Variants in MTUS2 observed in about 807,000 individuals in gnomAD.
The protein encoded by MTUS2 is microtubule-associated tumor suppressor candidate 2.
MTUS2 carries 40 observed loss-of-function variants against 114.1 expected under a neutral mutation model. The ratio of observed to expected loss-of-function variants is 0.35; its 90% CI spans 0.27 to 0.46. The LOEUF (loss-of-function observed/expected upper bound fraction) is 0.46, where lower values mean the gene tolerates loss of function less well. Among genes scored for constraint, MTUS2 ranks in the 20% least tolerant of loss-of-function variants. The pLI is 1.00. For missense variants in MTUS2, 1,679 were observed against 1,705.4 expected, an observed-to-expected ratio of 0.98 and a Z score of 0.27; for synonymous variants, 688 against 672.0, an observed-to-expected ratio of 1.02 and a Z score of -0.37.
At chr13:29,027,417 C>T (rs979315963) in intron 3 of MTUS2, among the ~76,000 whole-genome samples, 17 of 151,248 alleles carry the variant, frequency 1.1e-4, no homozygotes. Flanking sequence ...ATAATTACAA[C>T]TAACATATAA....
chr13:29,443,559 T>G lies in MTUS2; in HGVS notation c.3184+3510T>G, dbSNP rs1269089520. Reference sequence around the variant, plus strand: ...AGGCCTTGGCAGCACCACCGCCTGGTTCCTTCAGCCCAGCTTTCATCCCTG... The same window carrying G: ...AGGCCTTGGCAGCACCACCGCCTGGGTCCTTCAGCCCAGCTTTCATCCCTG... On this transcript the variant is annotated intron_variant, in intron 9 of 15. Coordinates refer to ENST00000612955, the MANE Select transcript of MTUS2 (RefSeq NM_001033602.4). Among the ~76,000 whole-genome samples the G allele has an allele frequency of 2.6e-5, 4 of 152,352 alleles. 1 individual carries two copies. In the South Asian group the frequency reaches 6.2e-4, roughly 24 times the overall value.
intron 4 of MTUS2, among the ~76,000 whole-genome samples, chr13:29,072,829 T>C (rs1889003412): frequency 6.6e-6 from 1 of 152,256 alleles, no homozygotes; most frequent in African/African-American, 2.4e-5. Context: ...CTTCTAATTC[T>C]GAAAGATATT....
intron 2 of MTUS2, among the ~76,000 whole-genome samples, chr13:28,983,431 G>A (rs1346053432): frequency 6.6e-6 from 1 of 152,088 alleles, no homozygotes; most frequent in Non-Finnish European, 1.5e-5. Context: ...GATGCACACT[G>A]GATTCTGGAG....
At chr13:29,383,683 C>G (rs1278825952) in intron 8 of MTUS2, among the ~76,000 whole-genome samples, 2 of 152,238 alleles carry the variant, frequency 1.3e-5, no homozygotes, top group African/African-American at 4.8e-5. Flanking sequence ...ATGTTAGGTC[C>G]CATCAGAAGG....
intron 8 of MTUS2, among the ~76,000 whole-genome samples, chr13:29,371,174 A>G (rs770287870): frequency 2.2e-4 from 33 of 150,822 alleles, no homozygotes; most frequent in Non-Finnish European, 3.5e-4. Flanking sequence ...TATGCTTTTT[A>G]TTTTTTAATG....
At chr13:28,991,237 A>G (rs922977874) in intron 2 of MTUS2, among the ~76,000 whole-genome samples, 1 of 152,204 alleles carries the variant, frequency 6.6e-6, no homozygotes, top group African/African-American at 2.4e-5. Context: ...ATCATGTGGG[A>G]TAGAATGTGA....
At chr13:28,828,053 T>C (rs1031216577) in intron 1 of MTUS2, among the ~76,000 whole-genome samples, 21 of 152,172 alleles carry the variant, frequency 1.4e-4, no homozygotes, top group African/African-American at 5.1e-4. Context: ...TACGGGAGAC[T>C]GGGGCTTATT....
chr13:28,887,369 C>T (rs1280968459), intron 2 of MTUS2, among the ~76,000 whole-genome samples: 1 of 152,176 alleles, frequency 6.6e-6, no homozygotes. Flanking sequence ...TCCCATGTCT[C>T]TGACCACAGC....
chr13:29,020,526 A>G (rs1886249829), intron 2 of MTUS2, among the ~76,000 whole-genome samples: 1 of 152,236 alleles, frequency 6.6e-6, no homozygotes, highest in African/African-American at 2.4e-5. Context: ...GTGAGGCCAC[A>G]TAAGGAGGAG....
intron 5 of MTUS2, among the ~76,000 whole-genome samples, chr13:29,216,648 T>C (rs1366766884): frequency 1.3e-5 from 2 of 152,192 alleles, no homozygotes; most frequent in East Asian, 3.9e-4. Flanking sequence ...CCGGGTGAGC[T>C]GACACCCCAC....
At chr13:29,297,450 C>T (rs1365899360) in intron 6 of MTUS2, among the ~76,000 whole-genome samples, 3 of 152,112 alleles carry the variant, frequency 2.0e-5, no homozygotes, top group Non-Finnish European at 4.4e-5. Flanking sequence ...AATTAAGTAA[C>T]CCCCACACCC....
At chr13:29,269,120 T>C (rs1214606162) in intron 5 of MTUS2, among the ~76,000 whole-genome samples, 1 of 152,220 alleles carries the variant, frequency 6.6e-6, no homozygotes, top group Non-Finnish European at 1.5e-5. Flanking sequence ...ATAAAATTAA[T>C]GAATATAGTC....
chr13:29,489,602 A>G (rs1263225224), intron 11 of MTUS2: 3 of 152,228 alleles, frequency 2.0e-5, no homozygotes, highest in African/African-American at 7.2e-5. Flanking sequence ...GTTTTTAAAA[A>G]TATACTGATG....
intron 5 of MTUS2, among the ~76,000 whole-genome samples, chr13:29,259,441 C>T (rs777166780): frequency 1.3e-5 from 2 of 152,224 alleles, no homozygotes; most frequent in Non-Finnish European, 2.9e-5. Context: ...TGTCTCTTCC[C>T]TGCTTAAGAC....
chr13:28,847,900 G>A (rs1875996046), intron 2 of MTUS2, among the ~76,000 whole-genome samples: 1 of 152,166 alleles, frequency 6.6e-6, no homozygotes, highest in African/African-American at 2.4e-5. Context: ...GGGAAGGAGG[G>A]GAGTAGCTAG....
At chr13:28,903,616 G>A (rs1360142546) in intron 2 of MTUS2, among the ~76,000 whole-genome samples, 6 of 151,820 alleles carry the variant, frequency 4.0e-5, no homozygotes, top group African/African-American at 1.5e-4. Flanking sequence ...TGGCTGCATA[G>A]CATTCCATGG....
chr13:29,317,857 A>G (rs1029495100), intron 6 of MTUS2, among the ~76,000 whole-genome samples: 2 of 152,146 alleles, frequency 1.3e-5, no homozygotes, highest in African/African-American at 4.8e-5. Context: ...AACTGTTCCC[A>G]TTCAATTCAT....
chr13:29,430,553 A>T (rs1876912177), intron 8 of MTUS2, among the ~76,000 whole-genome samples: 1 of 152,142 alleles, frequency 6.6e-6, no homozygotes, highest in Non-Finnish European at 1.5e-5. Flanking sequence ...CAGCTTTTTC[A>T]TTATGTTCAC....
chr13:29,038,075 T>A (rs1887166383), intron 4 of MTUS2, among the ~76,000 whole-genome samples: 1 of 152,196 alleles, frequency 6.6e-6, no homozygotes, highest in Non-Finnish European at 1.5e-5. Context: ...GTTATGATCC[T>A]TTGGAGGACA....
Sources: allele counts gnomAD v4.1 joint callset (sites outside exome capture counted in the v4.1 genomes callset), GRCh38; gene constraint gnomAD v4.1.1; transcripts MANE v1.5; gene names NCBI Gene and HGNC (gene_info 2026-07-23, HGNC 2026-07-21).